ROBO2: variants seen among roughly 807,000 people sequenced by gnomAD.
The protein encoded by ROBO2 is roundabout homolog 2.
ROBO2 carries 53 observed loss-of-function variants against 160.8 expected under a neutral mutation model. The observed-to-expected ratio is 0.33, with a 90% confidence interval of 0.26 to 0.41. ROBO2 has a LOEUF of 0.41. Among genes scored for constraint, ROBO2 ranks in the 10% least tolerant of loss-of-function variants. The probability of loss-of-function intolerance (pLI) is 1.00; values close to 1 mark genes in which losing one functional copy is unlikely to be tolerated. For synonymous variants in ROBO2, 664 were observed against 611.7 expected, an observed-to-expected ratio of 1.09 and a Z score of -1.26; for missense variants, 1,577 against 1,722.4, an observed-to-expected ratio of 0.92 and a Z score of 1.49.
chr3:77,342,541 C>G lies in ROBO2; in HGVS notation c.389-134873C>G, dbSNP rs541456650. On this transcript the variant is annotated intron_variant, in intron 2 of 25. Transcript: ENST00000461745. The stretch of plus-strand genomic sequence containing the variant: ...TTATATGTCTACCTGAAGACATTTT[C>G]TATAAACTGCGTCTGAATATCTTTT... Among the ~76,000 whole-genome samples, 15 of 152,260 alleles carry G rather than the reference C, an allele frequency of 9.9e-5. No individual in the cohort carries two copies. In the South Asian group the frequency reaches 3.1e-3, roughly 32 times the overall value.
intron 2 of ROBO2, among the ~76,000 whole-genome samples, chr3:76,785,618 A>G (rs561681192): frequency 2.8e-4 from 42 of 151,330 alleles, no homozygotes; most frequent in Non-Finnish European, 5.5e-4. Flanking sequence ...CAATTGTTCT[A>G]GAAGTTTAAA....
chr3:75,925,851 A>G (rs866211833), intron 1 of ROBO2, among the ~76,000 whole-genome samples: 8 of 152,222 alleles, frequency 5.3e-5, no homozygotes, highest in Non-Finnish European at 1.0e-4. Context: ...GATAGTTGAT[A>G]GTTTTCCAGA....
At chr3:76,156,880 G>A (rs1351850040) in intron 2 of ROBO2, among the ~76,000 whole-genome samples, 1 of 152,210 alleles carries the variant, frequency 6.6e-6, no homozygotes, top group African/African-American at 2.4e-5. Flanking sequence ...GCTGAGGAAG[G>A]AGAATTGCTT....
At chr3:76,600,861 A>G (rs1214953043) in intron 2 of ROBO2, among the ~76,000 whole-genome samples, 3 of 152,152 alleles carry the variant, frequency 2.0e-5, no homozygotes, top group Admixed American at 6.5e-5. Context: ...TCAAAAGTCC[A>G]CAGTCCAAAG....
At chr3:77,102,327 C>G (rs1019285250) in intron 2 of ROBO2, among the ~76,000 whole-genome samples, 3 of 151,958 alleles carry the variant, frequency 2.0e-5, no homozygotes, top group African/African-American at 7.2e-5. Context: ...TTGTGCTAGG[C>G]ATTGTAAGAT....
At chr3:76,279,683 C>G (rs1194413576) in intron 2 of ROBO2, among the ~76,000 whole-genome samples, 3 of 151,846 alleles carry the variant, frequency 2.0e-5, no homozygotes, top group African/African-American at 7.2e-5. Context: ...CCATATTTTG[C>G]TTTAATTAGC....
At chr3:77,318,256 ACTG>A (rs1032677691) in intron 2 of ROBO2, among the ~76,000 whole-genome samples, 2 of 151,968 alleles carry the variant, frequency 1.3e-5, no homozygotes, top group African/African-American at 4.8e-5. Flanking sequence ...CTGGTCTTGA[ACTG>A]CTGACCTCGG....
In ROBO2 at chr3:76,825,603, C is replaced by CAAAAAAAAAAA. The variant is rs201063990; in HGVS notation, c.110-272392_110-272382dup. Reference sequence around the variant, plus strand: ...GAGTCTACCCTTTCATCATCTTAGCCAAAAAAAAAAAAAAAAAAAAAAAAA... The same window carrying CAAAAAAAAAAA: ...GAGTCTACCCTTTCATCATCTTAGCCAAAAAAAAAAAAAAAAAAAAAAAAAAAAAAAAAAAA... On this transcript the variant is annotated intron_variant, in intron 2 of 26. Coordinates refer to the ROBO2 transcript ENST00000487694. Among the ~76,000 whole-genome samples, 29 of 72,494 alleles carry CAAAAAAAAAAA rather than the reference C, an allele frequency of 4.0e-4. 1 individual carries two copies. The highest frequency in any genetic ancestry group is 8.5e-4 in the African/African-American group (10 of 11,782). 47.6% of individuals were successfully genotyped at this position (72,494 alleles called of 152,430 possible).
intron 2 of ROBO2, among the ~76,000 whole-genome samples, chr3:76,421,649 C>T (rs1246685134): frequency 6.6e-6 from 1 of 151,918 alleles, no homozygotes; most frequent in Non-Finnish European, 1.5e-5. Flanking sequence ...TCACCTGAAC[C>T]TAGGAGGCAC....
intron 2 of ROBO2, among the ~76,000 whole-genome samples, chr3:76,099,041 T>G (rs1333771513): frequency 6.6e-6 from 1 of 152,188 alleles, no homozygotes; most frequent in Admixed American, 6.5e-5. Context: ...GCATCTATTT[T>G]TCATCCAGCA....
In ROBO2 at chr3:77,025,865, G is replaced by T. The variant is rs1418780193; in HGVS notation, c.110-72149G>T. Among the ~76,000 whole-genome samples, 5 of 152,206 alleles carry T rather than the reference G, an allele frequency of 3.3e-5. No individual in the cohort carries two copies. In the East Asian group the frequency reaches 9.6e-4, roughly 29 times the overall value. ...TTTTGCACCATATTGTTTCTTAAGA[G>T]GTACCTGATAAGAAAACAGCCTCAA... On this transcript the variant is annotated intron_variant, in intron 2 of 26. Transcript: ENST00000487694.
intron 2 of ROBO2, among the ~76,000 whole-genome samples, chr3:77,267,224 G>T (rs1015851712): frequency 6.6e-6 from 1 of 152,020 alleles, no homozygotes; most frequent in Non-Finnish European, 1.5e-5. Context: ...AAGTTCAAAG[G>T]TTCTCTCTAC....
chr3:76,496,208 G>A (rs562076376), intron 2 of ROBO2, among the ~76,000 whole-genome samples: 26 of 142,098 alleles, frequency 1.8e-4, no homozygotes, highest in Middle Eastern at 3.4e-3. Flanking sequence ...ATCTTCACGT[G>A]ACAAATATCA....
intron 13 of ROBO2, 81 bp downstream of exon 14, chr3:77,568,515 G>A (rs967383650): frequency 2.6e-6 from 4 of 1,534,950 alleles, no homozygotes; most frequent in Non-Finnish European, 3.6e-6. Flanking sequence ...TGAACAAAGA[G>A]TGATAATAAA....
chr3:76,826,656 T>G (rs2066614601), intron 2 of ROBO2, among the ~76,000 whole-genome samples: 1 of 152,148 alleles, frequency 6.6e-6, no homozygotes, highest in Non-Finnish European at 1.5e-5. Flanking sequence ...GCTAACGATA[T>G]ATGACACATT....
At chr3:76,555,404 A>AGAAGAAGAAGAAGAAGAAGAG (rs1560141231) in intron 2 of ROBO2, among the ~76,000 whole-genome samples, 4 of 73,242 alleles carry the variant, frequency 5.5e-5, no homozygotes, top group South Asian at 6.3e-4. Context: ...AAGAAGAAGA[A>AGAAGAAGAAGAAGAAGAAGAG]GAAGAAGAAG....
chr3:77,224,157 A>G (rs901513958), intron 2 of ROBO2, among the ~76,000 whole-genome samples: 1 of 151,970 alleles, frequency 6.6e-6, no homozygotes, highest in Admixed American at 6.6e-5. Context: ...ATTGTCTATT[A>G]ATGTGTTTTT....
intron 1 of ROBO2, among the ~76,000 whole-genome samples, chr3:75,912,966 TTAAAA>T (rs764421245): frequency 1.2e-4 from 18 of 152,196 alleles, no homozygotes; most frequent in Non-Finnish European, 2.5e-4. Flanking sequence ...TTTAAATAAC[TTAAAA>T]TAACACATAT....
rs534069090 is a variant in ROBO2, at chr3:76,864,760, G to T, written c.110-233254G>T. Among the ~76,000 whole-genome samples the T allele has an allele frequency of 3.3e-5, 5 of 152,088 alleles. No homozygotes were observed. The South Asian group carries it at 6.2e-4, about 19-fold the overall frequency. ...TGTCTAACAATTAGATTATTAGAAG[G>T]TATGTATATATGGGCATATAAACAA... is the stretch of plus-strand genomic sequence containing the variant. On this transcript the variant is annotated intron_variant, in intron 2 of 26. Coordinates refer to the ROBO2 transcript ENST00000487694.
Sources: gnomAD v4.1 joint callset for allele counts (sites outside exome capture counted in the v4.1 genomes callset) on GRCh38, gnomAD v4.1.1 for gene constraint, MANE v1.5 for transcripts, NCBI Gene and HGNC (gene_info 2026-07-23, HGNC 2026-07-21) for gene names.